The following CACNA2D2 variants were observed in gnomAD, a reference collection of about 807,000 sequenced individuals.
CACNA2D2 encodes calcium voltage-gated channel auxiliary subunit alpha2delta 2.
In CACNA2D2, 48 loss-of-function variants were observed where a neutral mutation model predicts 166.4. The ratio of observed to expected loss-of-function variants is 0.29; its 90% confidence interval spans 0.23 to 0.37. The LOEUF is 0.37. Ranked by LOEUF, CACNA2D2 falls within the 10% of genes least tolerant of loss-of-function variation. CACNA2D2 has a pLI of 1.00. For synonymous variants in CACNA2D2, 561 were observed against 573.7 expected (o/e 0.98, Z 0.32); for missense variants, 1,122 against 1,433.0 (o/e 0.78, Z 3.50).
chr3:50,461,618 G>T (rs1046665124), intron 2 of CACNA2D2, among the ~76,000 whole-genome samples: 3 of 151,996 alleles, frequency 2.0e-5, no homozygotes, highest in African/African-American at 7.3e-5. Context: ...AAAATGAGCT[G>T]GGCGTGGCGG....
intron 2 of CACNA2D2, among the ~76,000 whole-genome samples, chr3:50,438,540 G>A (rs181848328): frequency 2.4e-3 from 371 of 152,268 alleles, no homozygotes; most frequent in Admixed American, 5.4e-3. Flanking sequence ...TTGCAGGAAT[G>A]GTGACCTTGG....
chr3:50,401,861 C>T (rs929816159), intron 3 of CACNA2D2, among the ~76,000 whole-genome samples: 5 of 152,140 alleles, frequency 3.3e-5, no homozygotes, highest in Non-Finnish European at 7.4e-5. Context: ...CACCACCACG[C>T]TTGGATAATT....
In CACNA2D2 at chr3:50,365,822, G is replaced by C. The variant is rs1435949850; in HGVS notation, c.2903C>G (p.Ser968Cys). Residue 968 changes from serine to cysteine, a missense_variant, in exon 33 of 38, where the codon TCT becomes TGT. Around this residue, in one of 2 missense-constraint regions of CACNA2D2, gnomAD observed 282 missense variants for 266.2 expected, o/e 1.06. Transcript: ENST00000424201. The surrounding 1 kb of genome is among the most constrained non-coding windows in gnomAD (Gnocchi z 4.5). The part of the protein sequence containing the change: ...ADFLNLAWWT[S>C]AAAWSLFQQL... ...GCTCAGGACTCACCAGGCGGCAGCA[G>C]AGGTCCACCAGGCCAGGTTAAGGAA... 7 of 1,613,396 alleles carry C rather than the reference G, an allele frequency of 4.3e-6. No homozygotes were observed. The highest frequency in any genetic ancestry group is 4.2e-6 in the Non-Finnish European group (5 of 1,180,030).
rs754681752 is a variant in CACNA2D2, at chr3:50,364,715, G to A, written c.3383C>T (p.Pro1128Leu). Residue 1128 changes from proline (P) to leucine (L), a missense_variant, in exon 38 of 38, where the codon CCG becomes CTG. By Grantham distance (98) the Pro-to-Leu change is moderately conservative. This residue lies in a region of CACNA2D2 where 282 missense variants were observed against 266.2 expected (regional missense o/e 1.06). Coordinates refer to ENST00000424201, the MANE Select transcript of CACNA2D2 (RefSeq NM_006030.4). ...GAGGACTTGAGGCTGCGGCCGGGGCGGCAGGCCCAGGAGGAGCAGCAGTTG... is the reference window on the plus strand; with the variant it reads ...GAGGACTTGAGGCTGCGGCCGGGGCAGCAGGCCCAGGAGGAGCAGCAGTTG... ...SLQLLLLLGL[P>L]PRPQPQVLVH... is the part of the protein sequence containing the mutation. 6 of 1,548,130 alleles carry A rather than the reference G, an allele frequency of 3.9e-6. No homozygotes were observed. In the East Asian group the frequency reaches 9.8e-5, roughly 25 times the overall value.
chr3:50,370,772 C>CG (rs1200003802), intron 22 of CACNA2D2, among the ~76,000 whole-genome samples: 1 of 152,096 alleles, frequency 6.6e-6, no homozygotes, highest in African/African-American at 2.4e-5. Flanking sequence ...GCGCCAGTCT[C>CG]GCTCTTATCA....
At chr3:50,442,415 A>T (rs1708642289) in intron 2 of CACNA2D2, among the ~76,000 whole-genome samples, 1 of 152,190 alleles carries the variant, frequency 6.6e-6, no homozygotes. Flanking sequence ...TTCCCCAAGC[A>T]GCTTCCCTGA....
chr3:50,384,008 C>T (rs1157900041), intron 6 of CACNA2D2, among the ~76,000 whole-genome samples, 188 bp downstream of exon 6: 1 of 152,224 alleles, frequency 6.6e-6, no homozygotes, highest in African/African-American at 2.4e-5. Context: ...TAGGGTGAGG[C>T]TCTGCCTGTA....
chr3:50,477,281 C>T (rs745988628), intron 1 of CACNA2D2, among the ~76,000 whole-genome samples: 3 of 152,124 alleles, frequency 2.0e-5, no homozygotes, highest in South Asian at 2.1e-4. Context: ...CTCTGGAATA[C>T]GGGGATAATT....
rs916449006 is a variant in CACNA2D2 at position 50,475,996 on chromosome 3, A to C, written c.288+122T>G. ...ATGTCCCACCTGCCCCCACGGGCCC[A>C]TCAGGTCCCACCACACCAGGACCTC... On this transcript the variant is annotated intron_variant, in intron 2 of 37. Transcript: ENST00000424201. 13 of 812,320 alleles carry C rather than the reference A, an allele frequency of 1.6e-5. No homozygotes were observed. In the African/African-American group the frequency reaches 2.2e-4, roughly 14 times the overall value. The allele number at this position is 812,320 out of a possible 1,614,324, so 50.3% of individuals were successfully genotyped here. A position where few individuals can be genotyped will look rare whatever the true frequency, so the allele number is the denominator to read the frequency against.
chr3:50,503,455 G>T lies in CACNA2D2; in HGVS notation c.-32C>A, dbSNP rs907429138. 4.0e-5 allele frequency: 8 copies of T among 200,536 alleles called. No homozygotes were observed. In the South Asian group the frequency reaches 4.9e-4, roughly 12 times the overall value. 12.4% of individuals were successfully genotyped at this position (200,536 alleles called of 1,614,324 possible). ...ATTCAAGATGCGGCGCCGCGGGGAG[G>T]GGGGGCAGTGGCGGCGGCGGCGGCG... On this transcript the variant is annotated 5_prime_UTR_variant, in exon 1 of 38. Transcript: ENST00000424201.
At chr3:50,496,932 T>A (rs1234195046) in intron 1 of CACNA2D2, among the ~76,000 whole-genome samples, 1 of 152,196 alleles carries the variant, frequency 6.6e-6, no homozygotes, top group Non-Finnish European at 1.5e-5. Flanking sequence ...GAGTGACTTC[T>A]CAGCCTTTTC....
chr3:50,463,937 C>T (rs1167078577), intron 2 of CACNA2D2, among the ~76,000 whole-genome samples: 1 of 152,220 alleles, frequency 6.6e-6, no homozygotes, highest in Non-Finnish European at 1.5e-5. Context: ...GCCCAGCGCA[C>T]CTGGCTCCTC....
chr3:50,365,688 C>A lies in CACNA2D2; in HGVS notation c.2916G>T (p.Trp972Cys), dbSNP rs965093324. ...NLAWWTSAAA[W>C]SLFQQLLYGL... ...CGTAGAGAAGCTGCTGGAACAGGGA[C>A]CTGCAGCGCACGGGGAGCCGAGTGC... Residue 972 changes from tryptophan (W) to cysteine (C), a missense_variant and splice_region_variant, in exon 34 of 38, where the codon TGG becomes TGT. Around this residue, in one of 2 missense-constraint regions of CACNA2D2, gnomAD observed 282 missense variants for 266.2 expected, o/e 1.06. Transcript: ENST00000424201. The surrounding 1 kb of genome is among the most constrained non-coding windows in gnomAD (Gnocchi z 4.5). 1 of 1,589,322 alleles carries A rather than the reference C, an allele frequency of 6.3e-7. No homozygotes were observed. Among genetic ancestry groups the A allele is most frequent in the African/African-American group, 1.3e-5 (1 of 74,796 alleles).
At chr3:50,388,621 G>C (rs587604671) in intron 4 of CACNA2D2, among the ~76,000 whole-genome samples, 22 of 152,356 alleles carry the variant, frequency 1.4e-4, no homozygotes, top group Non-Finnish European at 3.1e-4. Context: ...CACCAGCGCA[G>C]ATGTCGCCCG....
chr3:50,386,414 T>C (rs1167892854), intron 5 of CACNA2D2, among the ~76,000 whole-genome samples: 1 of 152,248 alleles, frequency 6.6e-6, no homozygotes, highest in Non-Finnish European at 1.5e-5. Context: ...TTGCTAAAAT[T>C]ACAGCCCGCT....
At chr3:50,480,246 C>A (rs1697987538) in intron 1 of CACNA2D2, among the ~76,000 whole-genome samples, 1 of 152,208 alleles carries the variant, frequency 6.6e-6, no homozygotes, top group African/African-American at 2.4e-5. Context: ...GGGAAAGGCA[C>A]TTCTGCCGCT....
chr3:50,373,705 A>G (rs1704787232), intron 22 of CACNA2D2, among the ~76,000 whole-genome samples: 1 of 136,446 alleles, frequency 7.3e-6, no homozygotes, highest in Non-Finnish European at 1.6e-5. Flanking sequence ...AGAGGGAGAT[A>G]GAGGAGATGC....
chr3:50,480,919 G>GGAGAGGAAGGGGGAGGAAGT (rs1698024713), intron 1 of CACNA2D2, among the ~76,000 whole-genome samples: 1 of 20,312 alleles, frequency 4.9e-5, no homozygotes, highest in Non-Finnish European at 1.6e-4. Flanking sequence ...GGGGAGGAAG[G>GGAGAGGAAGGGGGAGGAAGT]GGGAGGAAGG....
At chr3:50,413,149 A>G (rs1707103945) in intron 3 of CACNA2D2, among the ~76,000 whole-genome samples, 1 of 152,040 alleles carries the variant, frequency 6.6e-6, no homozygotes, top group African/African-American at 2.4e-5. Flanking sequence ...CTCTGTGTTA[A>G]ACCTAGGAAG....
Sources: gnomAD v4.1 joint callset for allele counts (sites outside exome capture counted in the v4.1 genomes callset) on GRCh38, gnomAD v4.1.1 for gene constraint, gnomAD v4.1.1 regional missense constraint, Gnocchi (gnomAD v3.1) non-coding constraint, MANE v1.5 for transcripts, NCBI Gene and HGNC (gene_info 2026-07-23, HGNC 2026-07-21) for gene names.